The following PKP2 variants were observed in gnomAD, a reference collection of about 807,000 sequenced individuals.
The protein encoded by PKP2 is plakophilin 2, also known as plakophilin-2.
In PKP2, 73 loss-of-function variants were observed where a neutral mutation model predicts 83.4. The observed-to-expected ratio is 0.88, with a 90% CI of 0.72 to 1.06. The LOEUF is 1.06. Among genes scored for constraint, PKP2 ranks in the 50% least tolerant of loss-of-function variants. The pLI is 0.00. For synonymous variants in PKP2, 409 were observed against 430.4 expected (o/e 0.95, Z 0.62); for missense variants, 966 against 1,065.4 (o/e 0.91, Z 1.30).
chr12:32,827,580 A>G (rs1956454555), intron 6 of PKP2, among the ~76,000 whole-genome samples: 1 of 152,348 alleles, frequency 6.6e-6, no homozygotes, highest in African/African-American at 2.4e-5. Context: ...GGCTACCTTT[A>G]GGCAGAATTG....
chr12:32,878,931 C>A lies in PKP2; in HGVS notation c.325G>T (p.Asp109Tyr). ...CTTTGATATCCTACCTTTAGCATGTCATAGGTTTTAGGAACAGGGGAACGG... is the reference window on the plus strand; with the variant it reads ...CTTTGATATCCTACCTTTAGCATGTAATAGGTTTTAGGAACAGGGGAACGG... ...GGRSPVPKTY[D>Y]MLKAGTTATY... The change falls in exon 2 of 13, where the codon GAC (aspartate) becomes TAC (tyrosine). Residue 109 changes from aspartate to tyrosine, a missense_variant. Asp to Tyr is a radical substitution (Grantham distance 160). Transcript: ENST00000340811. 4 of 1,558,288 alleles carry A rather than the reference C, an allele frequency of 2.6e-6. No homozygotes were observed. Among genetic ancestry groups the A allele is most frequent in the Non-Finnish European group, 3.5e-6 (4 of 1,130,904 alleles).
intron 3 of PKP2, among the ~76,000 whole-genome samples, chr12:32,869,606 A>T (rs1956880632): frequency 6.6e-6 from 1 of 151,952 alleles, no homozygotes; most frequent in Non-Finnish European, 1.5e-5. Context: ...CTCAAAAAAA[A>T]AAAAAAGAAA....
At chr12:32,867,956 A>G (rs1434016172) in intron 4 of PKP2, among the ~76,000 whole-genome samples, 1 of 152,244 alleles carries the variant, frequency 6.6e-6, no homozygotes, top group Non-Finnish European at 1.5e-5. Context: ...TCTGTCCTAC[A>G]GGAACAGAAG....
intron 5 of PKP2, among the ~76,000 whole-genome samples, chr12:32,847,820 C>T (rs187977410): frequency 2.0e-5 from 3 of 151,992 alleles, no homozygotes; most frequent in African/African-American, 4.8e-5. Context: ...CAAAATCCAA[C>T]GCGGGTGCAG....
At chr12:32,838,385 A>G (rs1356307000) in intron 6 of PKP2, among the ~76,000 whole-genome samples, 2 of 152,078 alleles carry the variant, frequency 1.3e-5, no homozygotes, top group Non-Finnish European at 2.9e-5. Context: ...TACTAAGTTC[A>G]CTATTTGAGT....
chr12:32,826,939 C>A lies in PKP2; in HGVS notation c.1557-2777G>T, dbSNP rs528048216. On this transcript the variant is annotated intron_variant, in intron 6 of 12. Transcript: ENST00000340811. Reference sequence around the variant, plus strand: ...CAGGGTGGCCCAGAACAGAGCAAATCCCAGCTAGCATTCATTCAGTCTGCA... The same window carrying A: ...CAGGGTGGCCCAGAACAGAGCAAATACCAGCTAGCATTCATTCAGTCTGCA... Among the ~76,000 whole-genome samples the A allele has an allele frequency of 4.6e-5, 7 of 152,314 alleles. No individual in the cohort carries two copies. In the South Asian group the frequency reaches 1.4e-3, roughly 32 times the overall value.
chr12:32,831,182 A>G (rs1435975079), intron 6 of PKP2, among the ~76,000 whole-genome samples: 1 of 152,218 alleles, frequency 6.6e-6, no homozygotes, highest in African/African-American at 2.4e-5. Context: ...TCAGACCAGG[A>G]ATAAGAAAGA....
rs1189818316 is a variant in PKP2 at position 32,858,134 on chromosome 12, TTA to T, written c.1171-7163_1171-7162del. On this transcript the variant is annotated intron_variant, in intron 4 of 12. Coordinates refer to ENST00000340811, the MANE Select transcript of PKP2 (RefSeq NM_001005242.3). ...ATATATATTTATATATATTTTATATTTATATATATATATATATAAATATATAT... is the reference window on the plus strand; with the variant it reads ...ATATATATTTATATATATTTTATATTTATATATATATATATAAATATATAT... Among the ~76,000 whole-genome samples, 100 of 93,760 alleles carry T rather than the reference TTA, an allele frequency of 1.1e-3. 1 individual carries two copies. The highest frequency in any genetic ancestry group is 6.5e-3 in the East Asian group (28 of 4,308). The allele number at this position is 93,760 out of a possible 152,430, so 61.5% of individuals were successfully genotyped here. A position where few individuals can be genotyped will look rare whatever the true frequency, so the allele number is the denominator to read the frequency against.
Position 32,822,669 on chromosome 12 carries a change from T to C in PKP2, c.1675-38A>G, listed in dbSNP as rs758715028. On this transcript the variant is annotated intron_variant, in intron 7 of 12. Transcript: ENST00000340811. Reference sequence around the variant, plus strand: ...GACAAGAATATTGATCGTATACATATAGATATCCTTGCAGGTGTGATATCA... The same window carrying C: ...GACAAGAATATTGATCGTATACATACAGATATCCTTGCAGGTGTGATATCA... 1.2e-5 allele frequency: 19 copies of C among 1,602,914 alleles called. No homozygotes were observed. The South Asian group carries it at 1.7e-4, about 14-fold the overall frequency.
intron 6 of PKP2, among the ~76,000 whole-genome samples, chr12:32,825,018 T>A: frequency 6.6e-6 from 1 of 152,100 alleles, no homozygotes; most frequent in East Asian, 1.9e-4. Flanking sequence ...CTTAAAAAAA[T>A]ATTTTTTTTT....
intron 6 of PKP2, among the ~76,000 whole-genome samples, chr12:32,832,441 A>C (rs1956509431): frequency 6.6e-6 from 1 of 152,222 alleles, no homozygotes; most frequent in South Asian, 2.1e-4. Flanking sequence ...TTGTTTGTAT[A>C]TCTAAAGTAA....
intron 6 of PKP2, among the ~76,000 whole-genome samples, chr12:32,825,972 T>G (rs1175367278): frequency 1.3e-5 from 2 of 152,128 alleles, no homozygotes; most frequent in Non-Finnish European, 2.9e-5. Flanking sequence ...TTTCAGTGCA[T>G]ATTTGTCAAA....
chr12:32,871,940 C>A (rs1956899442), intron 3 of PKP2, among the ~76,000 whole-genome samples: 1 of 152,170 alleles, frequency 6.6e-6, no homozygotes, highest in Non-Finnish European at 1.5e-5. Flanking sequence ...TCTCCTATAG[C>A]ATTCCCCCGT....
intron 10 of PKP2, among the ~76,000 whole-genome samples, chr12:32,797,221 CT>C (rs769131070): frequency 2.6e-5 from 4 of 151,982 alleles, no homozygotes; most frequent in Non-Finnish European, 5.9e-5. Flanking sequence ...GGGTGGATCA[CT>C]TAAGGTCAGG....
At position 32,896,656 on chromosome 12, in the gene PKP2, C is replaced by T. The variant is rs143004808; in HGVS notation, c.76G>A (p.Asp26Asn). The T allele has an allele frequency of 9.2e-3, 14,387 of 1,563,166 alleles. 110 individuals carry two copies. Among genetic ancestry groups the T allele is most frequent in the Middle Eastern group, 0.017 (76 of 4,420 alleles). ...GAGGGCAGCGCCAGGCTGGAGCTGT[C>T]CAGTTGTCCCAGGATCTGCTGGCCC... ...VLGQQILGQL[D>N]SSSLALPSEA... Residue 26 changes from aspartate to asparagine, a missense_variant, in exon 1 of 13, where the codon GAC becomes AAC. By Grantham distance (23) the Asp-to-Asn change is conservative. Transcript: ENST00000340811.
intron 10 of PKP2, among the ~76,000 whole-genome samples, chr12:32,797,560 CT>C (rs751510872): frequency 0.014 from 1,915 of 132,564 alleles, 39 homozygotes; most frequent in African/African-American, 0.015. Flanking sequence ...GAACTAAAAT[CT>C]TTTTTTTTTT....
rs73090746 is a variant in PKP2, at chr12:32,821,589, C to T, written c.1840-60G>A. On this transcript the variant is annotated intron_variant, in intron 8 of 12. Coordinates refer to ENST00000340811, the MANE Select transcript of PKP2 (RefSeq NM_001005242.3). ...ATGTCAGGTGATGGCTATAATTTCA[C>T]ACTCAAACCAGGAGACCAGAAATAC... 0.011 allele frequency: 17,306 copies of T among 1,529,378 alleles called. 134 individuals are homozygous for T. Among genetic ancestry groups the T allele is most frequent in the Non-Finnish European group, 0.014 (15,643 of 1,104,656 alleles). 94.7% of individuals were successfully genotyped at this position (1,529,378 alleles called of 1,614,324 possible). A position where few individuals can be genotyped will look rare whatever the true frequency, so the allele number is the denominator to read the frequency against.
chr12:32,821,749 C>G, intron 8 of PKP2: 1 of 520,632 alleles, frequency 1.9e-6, no homozygotes, highest in South Asian at 2.1e-5. Context: ...ACACCCCTAA[C>G]TTGATATTTC....
intron 1 of PKP2, among the ~76,000 whole-genome samples, chr12:32,886,781 C>T (rs1302644445): frequency 6.6e-6 from 1 of 151,972 alleles, no homozygotes; most frequent in Non-Finnish European, 1.5e-5. Context: ...CACTCGAGTC[C>T]AAGAGTTTGA....
Sources: gnomAD v4.1 joint callset for allele counts (sites outside exome capture counted in the v4.1 genomes callset) on GRCh38, gnomAD v4.1.1 for gene constraint, MANE v1.5 for transcripts, NCBI Gene and HGNC (gene_info 2026-07-23, HGNC 2026-07-21) for gene names.